ADCK1: variants seen among roughly 807,000 people sequenced by gnomAD.
The protein encoded by ADCK1 is aarF domain containing kinase 1.
ADCK1 carries 41 observed loss-of-function variants against 52.3 expected under a neutral mutation model. That is an observed-to-expected ratio of 0.78 (90% confidence interval 0.61 to 1.02). ADCK1 has a LOEUF of 1.02. Among genes scored for constraint, ADCK1 ranks in the 50% least tolerant of loss-of-function variants. The pLI is 0.00. For missense variants in ADCK1, 658 were observed against 679.5 expected, an observed-to-expected ratio of 0.97 and a Z score of 0.35; for synonymous variants, 250 against 274.6, an observed-to-expected ratio of 0.91 and a Z score of 0.89.
chr14:77,840,148 T>G (rs1320621894), intron 3 of ADCK1, among the ~76,000 whole-genome samples: 1 of 151,872 alleles, frequency 6.6e-6, no homozygotes, highest in Non-Finnish European at 1.5e-5. Flanking sequence ...ACTAATACAG[T>G]AGCTTCCTAT....
chr14:77,913,894 G>A (rs1424728967), intron 7 of ADCK1, among the ~76,000 whole-genome samples: 1 of 150,320 alleles, frequency 6.7e-6, no homozygotes, highest in Non-Finnish European at 1.5e-5. Context: ...TGGTCATTAT[G>A]TGGACTTAGG....
At chr14:77,900,953 T>G (rs1176952696) in intron 6 of ADCK1, among the ~76,000 whole-genome samples, 2 of 152,132 alleles carry the variant, frequency 1.3e-5, no homozygotes, top group Admixed American at 6.5e-5. Context: ...AAGTACGGCT[T>G]CTACATGCTC....
intron 1 of ADCK1, among the ~76,000 whole-genome samples, chr14:77,807,637 G>A (rs1251412547): frequency 6.6e-6 from 1 of 151,556 alleles, no homozygotes; most frequent in Non-Finnish European, 1.5e-5. Flanking sequence ...AGCCTCCCGA[G>A]TAGCTGGGAT....
intron 3 of ADCK1, among the ~76,000 whole-genome samples, chr14:77,848,498 C>T (rs1172020015): frequency 6.6e-6 from 1 of 152,134 alleles, no homozygotes; most frequent in Non-Finnish European, 1.5e-5. Context: ...TGGAGTTTTG[C>T]TGTGTGGCCC....
At chr14:77,885,839 C>T (rs2083134871) in intron 4 of ADCK1, among the ~76,000 whole-genome samples, 1 of 152,250 alleles carries the variant, frequency 6.6e-6, no homozygotes, top group Non-Finnish European at 1.5e-5. Context: ...ATTAGGATTT[C>T]AGCCTTGGCC....
At position 77,865,408 on chromosome 14, in the gene ADCK1, G is replaced by A. The variant is rs546998615; in HGVS notation, c.423+6129G>A. 2.2e-4 allele frequency among the ~76,000 whole-genome samples: 33 copies of A among 152,280 alleles called. 1 individual carries two copies. In the South Asian group the frequency reaches 5.0e-3, roughly 23 times the overall value. ...TGAGGCAGGAGAATCCCTTGAACCC[G>A]GGAGGTGGAGGTTGCAGTGAGGCAA... On this transcript the variant is annotated intron_variant, in intron 4 of 10. Coordinates refer to ENST00000238561, the MANE Select transcript of ADCK1 (RefSeq NM_020421.4).
intron 3 of ADCK1, among the ~76,000 whole-genome samples, chr14:77,849,574 G>C (rs1053705737): frequency 1.3e-5 from 2 of 151,934 alleles, no homozygotes; most frequent in African/African-American, 4.8e-5. Context: ...CACTCAAGTA[G>C]CTGGGACTAC....
intron 3 of ADCK1, among the ~76,000 whole-genome samples, chr14:77,824,683 C>T (rs187809549): frequency 0.012 from 1,844 of 151,526 alleles, 35 homozygotes; most frequent in African/African-American, 0.043. Context: ...ATCCACCCAC[C>T]TTGGCCTCCC....
rs1391655458 is a variant in ADCK1, at chr14:77,924,585, G to C, written c.987G>C (p.Leu329=). The part of the protein sequence containing the change: ...HPGTGKAEIV[L]LDHGLYQMLT... ...GCACGGGAAAGGCGGAGATTGTCCT[G>C]TTGGACCATGGGCTTTACCAGGTAG... is the stretch of plus-strand genomic sequence containing the variant. The change falls in exon 8 of 11, where the codon CTG becomes CTC. Residue 329 remains leucine (L), a synonymous_variant. Coordinates refer to ENST00000238561, the MANE Select transcript of ADCK1 (RefSeq NM_020421.4). 3.1e-6 allele frequency: 5 copies of C among 1,613,474 alleles called. No homozygotes were observed. Among genetic ancestry groups the C allele is most frequent in the African/African-American group, 2.7e-5 (2 of 74,958 alleles).
intron 3 of ADCK1, among the ~76,000 whole-genome samples, chr14:77,852,673 A>ATATATAT (rs1566667052): frequency 2.0e-3 from 37 of 18,122 alleles, no homozygotes; most frequent in African/African-American, 5.4e-3. Flanking sequence ...ATATATATAT[A>ATATATAT]TATATATATA....
intron 3 of ADCK1, among the ~76,000 whole-genome samples, chr14:77,852,767 T>A (rs1164179775): frequency 1.5e-5 from 2 of 136,820 alleles, no homozygotes; most frequent in Non-Finnish European, 3.1e-5. Context: ...TGCTTGAATT[T>A]GTTCCACAGT....
chr14:77,822,312 G>A (rs2081600124), intron 2 of ADCK1, 123 bp from the exon 3 acceptor site: 1 of 737,576 alleles, frequency 1.4e-6, no homozygotes, highest in African/African-American at 1.7e-5. Context: ...GCATCTTAGG[G>A]GTGGGACTGG....
chr14:77,868,630 G>A (rs974505938), intron 4 of ADCK1, among the ~76,000 whole-genome samples: 3 of 152,088 alleles, frequency 2.0e-5, no homozygotes, highest in African/African-American at 7.2e-5. Flanking sequence ...TTGGGATCTA[G>A]TGCTCAGGGT....
chr14:77,848,828 A>ATT (rs61390673), intron 3 of ADCK1, among the ~76,000 whole-genome samples: 1 of 142,352 alleles, frequency 7.0e-6, no homozygotes. Flanking sequence ...CAGTGGTGTA[A>ATT]TTTTTTTTTT....
chr14:77,913,311 G>T (rs975748585), intron 7 of ADCK1, among the ~76,000 whole-genome samples: 2 of 152,202 alleles, frequency 1.3e-5, no homozygotes, highest in African/African-American at 4.8e-5. Context: ...AGTGCCATCT[G>T]CGCTCACCCT....
In ADCK1 at chr14:77,887,137, C is replaced by T; in HGVS notation, c.470C>T (p.Ala157Val). The T allele has an allele frequency of 6.2e-7, 1 of 1,607,030 alleles. No individual in the cohort carries two copies. Among genetic ancestry groups the T allele is most frequent in the Non-Finnish European group, 8.5e-7 (1 of 1,176,586 alleles). Residue 157 changes from alanine to valine, a missense_variant, in exon 5 of 11, where the codon GCC becomes GTC. Ala to Val is a moderately conservative substitution (Grantham distance 64, BLOSUM62 0). Coordinates refer to ENST00000238561, the MANE Select transcript of ADCK1 (RefSeq NM_020421.4). ...TTCGATGACACCCCTCTGGGGACGG[C>T]CTCCCTGGCCCAGGTCCACAAGGCA... ...QSFDDTPLGT[A>V]SLAQVHKAVL...
intron 6 of ADCK1, 120 bp from the exon 7 acceptor site, chr14:77,907,683 G>A: frequency 1.4e-6 from 1 of 692,786 alleles, no homozygotes; most frequent in Non-Finnish European, 2.4e-6. Flanking sequence ...TCCCTCCTGG[G>A]CCTCTTCTCC....
At chr14:77,827,508 G>A (rs562872938) in intron 3 of ADCK1, among the ~76,000 whole-genome samples, 37 of 151,524 alleles carry the variant, frequency 2.4e-4, no homozygotes, top group Non-Finnish European at 1.2e-4. Flanking sequence ...TCTTGCAGCC[G>A]AATGAGTCCT....
At chr14:77,886,957 ACACTCT>A in intron 4 of ADCK1, 128 bp from the exon 5 acceptor site, 1 of 973,008 alleles carries the variant, frequency 1.0e-6, no homozygotes. Context: ...ACACACACAC[ACACTCT>A]CTCTCTCTTT....
Sources: allele counts gnomAD v4.1 joint callset (sites outside exome capture counted in the v4.1 genomes callset), GRCh38; gene constraint gnomAD v4.1.1; transcripts MANE v1.5; gene names NCBI Gene and HGNC (gene_info 2026-07-23, HGNC 2026-07-21).